HECA: variants seen among roughly 807,000 people sequenced by gnomAD.
The protein encoded by HECA is HECA ribonucleoprotein granule regulator.
A neutral mutation model predicts 37.6 loss-of-function variants in HECA; 13 were observed. That is an observed-to-expected ratio of 0.35 (90% confidence interval 0.23 to 0.55). The LOEUF (loss-of-function observed/expected upper bound fraction) is 0.55. Ranked by LOEUF, HECA falls within the 20% of genes least tolerant of loss-of-function variation. The probability of loss-of-function intolerance (pLI) is 0.90; values close to 1 mark genes in which losing one functional copy is unlikely to be tolerated. For synonymous variants in HECA, 307 were observed against 291.5 expected (o/e 1.05, Z -0.54); for missense variants, 527 against 701.9 (o/e 0.75, Z 2.82).
At chr6:139,143,275 A>G (rs1369152837) in intron 1 of HECA, among the ~76,000 whole-genome samples, 1 of 152,214 alleles carries the variant, frequency 6.6e-6, no homozygotes, top group Admixed American at 6.5e-5. Flanking sequence ...CCTGGCAGAT[A>G]TGAGCCCTGT....
At chr6:139,148,719 T>C (rs1774613593) in intron 1 of HECA, among the ~76,000 whole-genome samples, 1 of 151,898 alleles carries the variant, frequency 6.6e-6, no homozygotes, top group South Asian at 2.1e-4. Context: ...TGAGCTGAGA[T>C]CATGCCTCTA....
At chr6:139,149,201 T>G (rs1335312866) in intron 1 of HECA, among the ~76,000 whole-genome samples, 1 of 152,192 alleles carries the variant, frequency 6.6e-6, no homozygotes, top group Non-Finnish European at 1.5e-5. Context: ...AGGGAGCCTT[T>G]GTGCCTTCTC....
chr6:139,157,261 C>T (rs956268785), intron 1 of HECA, among the ~76,000 whole-genome samples: 1 of 152,082 alleles, frequency 6.6e-6, no homozygotes, highest in African/African-American at 2.4e-5. Flanking sequence ...CGGTTTTGAC[C>T]GGCTCCTTTA....
chr6:139,168,001 T>A (rs1050044400), intron 2 of HECA, among the ~76,000 whole-genome samples: 7 of 152,182 alleles, frequency 4.6e-5, no homozygotes, highest in African/African-American at 1.7e-4. Context: ...ATGAGACACA[T>A]CACATATAAC....
Position 139,179,128 on chromosome 6 carries a change from A to C in HECA, c.*2023A>C, listed in dbSNP as rs1460620511. On this transcript the variant is annotated 3_prime_UTR_variant, in exon 4 of 4. Transcript: ENST00000367658. ...GGATTGTAAGACATAGCTTTCTGCA[A>C]ACTTGTCTTTAATGCACAAAGCTGT... 1 of 152,208 alleles carries C rather than the reference A, an allele frequency of 6.6e-6. No individual in the cohort carries two copies. The highest frequency in any genetic ancestry group is 2.4e-5 in the African/African-American group (1 of 41,448). The allele number at this position is 152,208 out of a possible 1,614,324, so 9.4% of individuals were successfully genotyped here. A position where few individuals can be genotyped will look rare whatever the true frequency, so the allele number is the denominator to read the frequency against.
intron 2 of HECA, among the ~76,000 whole-genome samples, chr6:139,173,703 A>T (rs1182659163): frequency 6.6e-6 from 1 of 152,216 alleles, no homozygotes; most frequent in Non-Finnish European, 1.5e-5. Flanking sequence ...ATACACTAGG[A>T]TGACATCTTT....
At position 139,145,409 on chromosome 6, in the gene HECA, A is replaced by G. The variant is rs539438097; in HGVS notation, c.271+9742A>G. ...TTGAAAAGTCTAAGAGTGAGAAACA[A>G]GAAAGATACTAAGAGGAAGCTTAAA... On this transcript the variant is annotated intron_variant, in intron 1 of 3. Transcript: ENST00000367658. 3.9e-5 allele frequency among the ~76,000 whole-genome samples: 6 copies of G among 152,356 alleles called. No homozygotes were observed. In the South Asian group the frequency reaches 1.2e-3, roughly 32 times the overall value.
intron 1 of HECA, chr6:139,159,122 G>T (rs1582941727): frequency 6.6e-6 from 1 of 152,320 alleles, no homozygotes; most frequent in East Asian, 1.9e-4. Context: ...CATTTTACAG[G>T]ATTTTACAGG....
chr6:139,149,811 C>G (rs539488032), intron 1 of HECA, among the ~76,000 whole-genome samples: 3 of 152,324 alleles, frequency 2.0e-5, no homozygotes, highest in African/African-American at 7.2e-5. Context: ...ACTGAGGCAA[C>G]CGAAGCCTTG....
In HECA at chr6:139,135,544, T is replaced by TGCGGGGCGGCGGCGGCGGGCGC; in HGVS notation, c.151_172dup (p.Pro58ArgfsTer54). 2 of 972,568 alleles carry TGCGGGGCGGCGGCGGCGGGCGC rather than the reference T, an allele frequency of 2.1e-6. No homozygotes were observed. The highest frequency in any genetic ancestry group is 2.4e-6 in the Non-Finnish European group (2 of 825,118). 60.2% of individuals were successfully genotyped at this position (972,568 alleles called of 1,614,324 possible). Reference sequence around the variant, plus strand: ...GGGGGCCCTGGCGGCGGCGGCCGGTTGCGGGGCGGCGGCGGCGGGCGCGCC... The same window carrying TGCGGGGCGGCGGCGGCGGGCGC: ...GGGGGCCCTGGCGGCGGCGGCCGGTTGCGGGGCGGCGGCGGCGGGCGCGCGGGGCGGCGGCGGCGGGCGCGCC... On this transcript the variant is annotated frameshift_variant, in exon 1 of 4. Transcript: ENST00000367658. LOFTEE classifies it high-confidence loss of function.
chr6:139,162,354 T>C (rs1405865017), intron 1 of HECA, among the ~76,000 whole-genome samples: 1 of 152,198 alleles, frequency 6.6e-6, no homozygotes, highest in Non-Finnish European at 1.5e-5. Context: ...TTCATGTGTA[T>C]AGTTTTTTTC....
intron 2 of HECA, among the ~76,000 whole-genome samples, chr6:139,168,192 ATAT>A (rs1291047736): frequency 6.6e-6 from 1 of 152,152 alleles, no homozygotes; most frequent in African/African-American, 2.4e-5. Context: ...CCAGCTTTAC[ATAT>A]TATCTGTTTA....
chr6:139,141,716 A>G (rs1185946408), intron 1 of HECA, among the ~76,000 whole-genome samples: 4 of 150,832 alleles, frequency 2.7e-5, no homozygotes, highest in African/African-American at 9.8e-5. Flanking sequence ...GAGGGATCTA[A>G]TCCCGTTCAT....
chr6:139,140,583 A>T (rs919016560), intron 1 of HECA, among the ~76,000 whole-genome samples: 23 of 152,226 alleles, frequency 1.5e-4, no homozygotes, highest in Non-Finnish European at 7.3e-5. Context: ...CTAAACCTTC[A>T]ATGTCAATTT....
At chr6:139,169,431 T>C (rs1774940266) in intron 2 of HECA, 1 of 152,216 alleles carries the variant, frequency 6.6e-6, no homozygotes, top group South Asian at 2.1e-4. Flanking sequence ...TAGCATTCTC[T>C]TCTTGTTTCA....
At position 139,147,521 on chromosome 6, in the gene HECA, A is replaced by T. The variant is rs1774599254; in HGVS notation, c.271+11854A>T. Reference sequence around the variant, plus strand: ...GTGCCTGTAGTCCCAGCTACTCGGGAGGCTGAGGTGGGAGGATCGCTTGAG... The same window carrying T: ...GTGCCTGTAGTCCCAGCTACTCGGGTGGCTGAGGTGGGAGGATCGCTTGAG... On this transcript the variant is annotated intron_variant, in intron 1 of 3. Transcript: ENST00000367658. Among the ~76,000 whole-genome samples, 3 of 152,268 alleles carry T rather than the reference A, an allele frequency of 2.0e-5. No individual in the cohort carries two copies. In the South Asian group the frequency reaches 6.2e-4, roughly 32 times the overall value.
chr6:139,166,345 C>T lies in HECA; in HGVS notation c.333C>T (p.Asp111=), dbSNP rs142291743. The change falls in exon 2 of 4, where the codon GAC becomes GAT. Residue 111 remains aspartate (D), a synonymous_variant. Coordinates refer to ENST00000367658, the MANE Select transcript of HECA (RefSeq NM_016217.3). ...SFGRPVDLEK[D]DYQKVVCNNE... is the part of the protein sequence containing the mutation. ...GTAGGCCGGTGGACCTGGAGAAGGA[C>T]GACTACCAGAAGGTGGTGTGCAACA... 1.2e-4 allele frequency: 196 copies of T among 1,613,696 alleles called. No homozygotes were observed. Among genetic ancestry groups the T allele is most frequent in the Non-Finnish European group, 1.6e-4 (189 of 1,179,768 alleles).
rs1774897523 is a variant in HECA at position 139,166,971 on chromosome 6, C to T, written c.959C>T (p.Ala320Val). 1 of 1,614,190 alleles carries T rather than the reference C, an allele frequency of 6.2e-7. No homozygotes were observed. The highest frequency in any genetic ancestry group is 8.5e-7 in the Non-Finnish European group (1 of 1,180,040). Reference sequence around the variant, plus strand: ...GCTGGGGGCCATGTGTTCAGAAATGCCCACTTTGATTACAGCCCTGCGGGG... The same window carrying T: ...GCTGGGGGCCATGTGTTCAGAAATGTCCACTTTGATTACAGCCCTGCGGGG... ...AMAGGHVFRN[A>V]HFDYSPAGLA... Residue 320 changes from alanine (A) to valine (V), a missense_variant, in exon 2 of 4, where the codon GCC becomes GTC. Ala to Val is a moderately conservative substitution (Grantham distance 64). Around this residue, in one of 4 missense-constraint regions of HECA, gnomAD observed 228 missense variants for 259.8 expected, o/e 0.88. Coordinates refer to ENST00000367658, the MANE Select transcript of HECA (RefSeq NM_016217.3).
At chr6:139,143,827 C>G (rs945175232) in intron 1 of HECA, among the ~76,000 whole-genome samples, 1 of 149,866 alleles carries the variant, frequency 6.7e-6, no homozygotes, top group Non-Finnish European at 1.5e-5. Flanking sequence ...CGCCACTGCA[C>G]TCCAGTCTGG....
Sources: gnomAD v4.1 joint callset for allele counts (sites outside exome capture counted in the v4.1 genomes callset) on GRCh38, gnomAD v4.1.1 for gene constraint, gnomAD v4.1.1 regional missense constraint, MANE v1.5 for transcripts, NCBI Gene and HGNC (gene_info 2026-07-23, HGNC 2026-07-21) for gene names.